The following ST3GAL3 variants were observed in gnomAD, a reference collection of about 807,000 sequenced individuals.
ST3GAL3 encodes the protein ST3 beta-galactoside alpha-2,3-sialyltransferase 3.
In ST3GAL3, 21 loss-of-function variants were observed where a neutral mutation model predicts 50.1. The observed-to-expected ratio is 0.42, with a 90% confidence interval of 0.30 to 0.60. The LOEUF (loss-of-function observed/expected upper bound fraction) is 0.60. Among genes scored for constraint, ST3GAL3 ranks in the 20% least tolerant of loss-of-function variants. The probability of loss-of-function intolerance (pLI) is 0.19; values close to 1 mark genes in which losing one functional copy is unlikely to be tolerated. For synonymous variants in ST3GAL3, 183 were observed against 190.0 expected (o/e 0.96, Z 0.30); for missense variants, 353 against 489.4 (o/e 0.72, Z 2.63).
chr1:43,771,795 A>G, intron 2 of ST3GAL3: 2 of 382,350 alleles, frequency 5.2e-6, no homozygotes, highest in African/African-American at 2.1e-5. Context: ...TATCCAGATC[A>G]TGGTTGTTAT....
At chr1:43,869,050 T>TA (rs1185987636) in intron 5 of ST3GAL3, among the ~76,000 whole-genome samples, 3 of 152,084 alleles carry the variant, frequency 2.0e-5, no homozygotes, top group African/African-American at 7.2e-5. Flanking sequence ...CAGCCCAGGG[T>TA]AAGTCCAAGG....
chr1:43,817,345 TC>T (rs200339217), intron 4 of ST3GAL3, among the ~76,000 whole-genome samples: 169 of 151,224 alleles, frequency 1.1e-3, no homozygotes, highest in African/African-American at 4.0e-3. Flanking sequence ...TCTTCCTTCT[TC>T]CTTCTTCTTC....
At chr1:43,845,788 T>G (rs2066154509) in intron 5 of ST3GAL3, among the ~76,000 whole-genome samples, 1 of 152,188 alleles carries the variant, frequency 6.6e-6, no homozygotes, top group East Asian at 1.9e-4. Context: ...TAAATTTCAC[T>G]CTATATATTG....
At chr1:43,804,480 A>G (rs1016509773) in intron 3 of ST3GAL3, among the ~76,000 whole-genome samples, 2 of 152,190 alleles carry the variant, frequency 1.3e-5, no homozygotes, top group Non-Finnish European at 2.9e-5. Flanking sequence ...AGTGCTTGTC[A>G]GGTAAAGACC....
chr1:43,800,480 A>G (rs1158873872), intron 3 of ST3GAL3, among the ~76,000 whole-genome samples: 1 of 152,108 alleles, frequency 6.6e-6, no homozygotes, highest in Non-Finnish European at 1.5e-5. Flanking sequence ...AGGAGATGGG[A>G]GGTAATAGTA....
chr1:43,877,331 C>T (rs908446122), intron 5 of ST3GAL3, among the ~76,000 whole-genome samples: 8 of 152,160 alleles, frequency 5.3e-5, no homozygotes, highest in Non-Finnish European at 1.2e-4. Context: ...TGTCATCTAG[C>T]CACGTGGGTG....
chr1:43,817,325 TCTTCTTC>T (rs769371329), intron 4 of ST3GAL3, among the ~76,000 whole-genome samples: 1,598 of 152,122 alleles, frequency 0.011, 31 homozygotes, highest in African/African-American at 0.033. Context: ...TGCTGCTTCT[TCTTCTTC>T]CTTCTTCCTT....
chr1:43,713,981 G>A (rs1395585114), intron 1 of ST3GAL3, among the ~76,000 whole-genome samples: 4 of 152,162 alleles, frequency 2.6e-5, no homozygotes, highest in East Asian at 1.9e-4. Context: ...AATGCCATAC[G>A]GGCCGGGTGC....
intron 2 of ST3GAL3, among the ~76,000 whole-genome samples, chr1:43,742,203 A>G (rs1681227748): frequency 6.6e-6 from 1 of 152,202 alleles, no homozygotes; most frequent in Non-Finnish European, 1.5e-5. Flanking sequence ...ACCAGTAGAA[A>G]GATCTCATTA....
chr1:43,722,991 C>T (rs560152533), intron 1 of ST3GAL3, among the ~76,000 whole-genome samples: 2 of 152,166 alleles, frequency 1.3e-5, no homozygotes, highest in African/African-American at 4.8e-5. Flanking sequence ...AGTGGGAGGT[C>T]TTTGGGTCAT....
chr1:43,799,109 G>A (rs536540000), intron 3 of ST3GAL3, among the ~76,000 whole-genome samples: 3 of 152,152 alleles, frequency 2.0e-5, no homozygotes, highest in East Asian at 3.8e-4. Flanking sequence ...ATGTATGTAC[G>A]TTCATACATA....
intron 9 of ST3GAL3, chr1:43,911,381 G>A (rs1311196882): frequency 1.4e-5 from 2 of 147,138 alleles, no homozygotes; most frequent in Non-Finnish European, 3.0e-5. Flanking sequence ...GGTATGGGAT[G>A]GGACCGGGGT....
At chr1:43,787,627 G>A (rs1875653) in intron 2 of ST3GAL3, among the ~76,000 whole-genome samples, 49,931 of 152,116 alleles carry the variant, frequency 0.33, 9,657 homozygotes, top group East Asian at 0.54. Flanking sequence ...AGAGCATTCC[G>A]CTACCATTGG....
Position 43,758,840 on chromosome 1 carries a change from A to G in ST3GAL3, c.118+22460A>G, listed in dbSNP as rs113893431. On this transcript the variant is annotated intron_variant, in intron 2 of 11. Transcript: ENST00000347631. ...CTAGGAGTTCGAGACCAGCCTGGGC[A>G]ACATAGCAAGACTCTGTCTTTACCA... 5.3e-3 allele frequency among the ~76,000 whole-genome samples: 806 copies of G among 151,836 alleles called. 16 individuals carry two copies. Among genetic ancestry groups the G allele is most frequent in the African/African-American group, 0.018 (749 of 41,400 alleles).
intron 5 of ST3GAL3, among the ~76,000 whole-genome samples, chr1:43,889,702 G>A (rs560933934): frequency 1.3e-5 from 2 of 152,270 alleles, no homozygotes; most frequent in East Asian, 3.9e-4. Flanking sequence ...AAAAACAGTA[G>A]TTGTGTTAAT....
chr1:43,782,739 TGA>T (rs1472240758), intron 2 of ST3GAL3, among the ~76,000 whole-genome samples: 1 of 141,262 alleles, frequency 7.1e-6, no homozygotes, highest in East Asian at 2.0e-4. Context: ...CTAATCCTCA[TGA>T]CATGGCCTTA....
rs1340342144 is a variant in ST3GAL3, at chr1:43,899,500, C to G, written c.558-41C>G. 4.3e-5 allele frequency: 69 copies of G among 1,608,332 alleles called. No homozygotes were observed. In the East Asian group the frequency reaches 1.5e-3, roughly 35 times the overall value. On this transcript the variant is annotated intron_variant, in intron 8 of 11. Coordinates refer to ENST00000347631, the MANE Select transcript of ST3GAL3 (RefSeq NM_006279.5). The surrounding 1 kb of genome is among the most constrained non-coding windows in gnomAD (Gnocchi z 5.4). Reference sequence around the variant, plus strand: ...ATAGTCTGGGGTCATGGTGCCTTCCCAAACACAGGCCCAGGCTCTGAGTGG... The same window carrying G: ...ATAGTCTGGGGTCATGGTGCCTTCCGAAACACAGGCCCAGGCTCTGAGTGG...
At chr1:43,778,496 G>GT (rs1480215068) in intron 2 of ST3GAL3, among the ~76,000 whole-genome samples, 26 of 151,958 alleles carry the variant, frequency 1.7e-4, no homozygotes, top group African/African-American at 6.0e-4. Context: ...CACATTTGGG[G>GT]TTTTTTTAAA....
chr1:43,758,831 A>G (rs1689101528), intron 2 of ST3GAL3, among the ~76,000 whole-genome samples: 1 of 151,678 alleles, frequency 6.6e-6, no homozygotes, highest in Non-Finnish European at 1.5e-5. Context: ...GTTCGAGACC[A>G]GCCTGGGCAA....
Sources: gnomAD v4.1 joint callset for allele counts (sites outside exome capture counted in the v4.1 genomes callset) on GRCh38, gnomAD v4.1.1 for gene constraint, Gnocchi (gnomAD v3.1) non-coding constraint, MANE v1.5 for transcripts, NCBI Gene and HGNC (gene_info 2026-07-23, HGNC 2026-07-21) for gene names.